The following PKN2 variants were observed in gnomAD, a reference collection of about 807,000 sequenced individuals.
PKN2 encodes the protein serine/threonine-protein kinase N2.
A neutral mutation model predicts 119.1 loss-of-function variants in PKN2; 38 were observed. The ratio of observed to expected loss-of-function variants is 0.32; its 90% CI spans 0.25 to 0.42. The LOEUF is 0.42. Ranked by LOEUF, PKN2 falls within the 10% of genes least tolerant of loss-of-function variation. PKN2 has a pLI of 1.00. For missense variants in PKN2, 850 were observed against 1,165.1 expected, an observed-to-expected ratio of 0.73 and a Z score of 3.94; for synonymous variants, 390 against 384.9, an observed-to-expected ratio of 1.01 and a Z score of -0.15.
chr1:88,692,752 C>G (rs1311501009), intron 1 of PKN2, among the ~76,000 whole-genome samples: 1 of 152,130 alleles, frequency 6.6e-6, no homozygotes, highest in African/African-American at 2.4e-5. Context: ...TGTTAATCCT[C>G]TGTGTACATT....
chr1:88,804,250 C>A (rs1263153274), intron 8 of PKN2, 141 bp from the exon 9 acceptor site: 4 of 631,782 alleles, frequency 6.3e-6, no homozygotes, highest in Non-Finnish European at 1.1e-5. Context: ...ATGTTACAAA[C>A]CTCTTTAAAA....
intron 8 of PKN2, among the ~76,000 whole-genome samples, chr1:88,792,288 A>G (rs2100844269): frequency 6.6e-6 from 1 of 152,288 alleles, no homozygotes; most frequent in Non-Finnish European, 1.5e-5. Context: ...CCTGTAACCC[A>G]GCTACTCGGG....
At chr1:88,763,013 T>C (rs1433658587) in intron 3 of PKN2, among the ~76,000 whole-genome samples, 3 of 152,154 alleles carry the variant, frequency 2.0e-5, no homozygotes, top group African/African-American at 7.2e-5. Context: ...TCAACTCTAG[T>C]AGTCATTTTC....
At chr1:88,762,815 TAAA>T (rs778434348) in intron 3 of PKN2, among the ~76,000 whole-genome samples, 9 of 152,240 alleles carry the variant, frequency 5.9e-5, no homozygotes, top group Non-Finnish European at 1.2e-4. Context: ...TGGCATTTAA[TAAA>T]AAATTACTTT....
intron 15 of PKN2, 98 bp downstream of exon 15, chr1:88,807,873 AAT>A (rs1671614396): frequency 1.5e-6 from 1 of 683,034 alleles, no homozygotes; most frequent in African/African-American, 1.8e-5. Flanking sequence ...ATTTTACAGT[AAT>A]ATGTGAAGAA....
intron 16 of PKN2, among the ~76,000 whole-genome samples, chr1:88,816,148 AAAG>A (rs934665377): frequency 3.3e-5 from 5 of 151,754 alleles, no homozygotes; most frequent in African/African-American, 9.7e-5. Flanking sequence ...AAATTAAAAA[AAAG>A]AGAGAAATCA....
intron 1 of PKN2, among the ~76,000 whole-genome samples, chr1:88,731,333 T>G (rs959730236): frequency 1.3e-5 from 2 of 152,182 alleles, no homozygotes; most frequent in Non-Finnish European, 2.9e-5. Context: ...AGGATGAAAT[T>G]AGAGAAGAAG....
At chr1:88,709,175 T>A (rs1667123168) in intron 1 of PKN2, among the ~76,000 whole-genome samples, 1 of 151,976 alleles carries the variant, frequency 6.6e-6, no homozygotes, top group African/African-American at 2.4e-5. Context: ...TGCCTCAGCC[T>A]CCCGAGTAGC....
At chr1:88,733,299 C>G (rs371159471) in intron 1 of PKN2, among the ~76,000 whole-genome samples, 12 of 152,150 alleles carry the variant, frequency 7.9e-5, no homozygotes, top group African/African-American at 2.9e-4. Context: ...TACATTCCCA[C>G]CAGCAGTGTA....
chr1:88,790,192 ACT>A (rs1670760475), intron 8 of PKN2, among the ~76,000 whole-genome samples: 1 of 151,982 alleles, frequency 6.6e-6, no homozygotes, highest in African/African-American at 2.4e-5. Flanking sequence ...CATCTTGAGA[ACT>A]CTCTTCTACA....
intron 3 of PKN2, among the ~76,000 whole-genome samples, chr1:88,764,790 T>C (rs1169756115): frequency 6.6e-6 from 1 of 152,208 alleles, no homozygotes; most frequent in Non-Finnish European, 1.5e-5. Flanking sequence ...GCCATTTCTT[T>C]ATTTGGTAGT....
At chr1:88,772,194 C>T (rs1039107202) in intron 6 of PKN2, among the ~76,000 whole-genome samples, 1 of 152,150 alleles carries the variant, frequency 6.6e-6, no homozygotes, top group Admixed American at 6.5e-5. Context: ...TTGTCTGTCT[C>T]TACAGATTTG....
At chr1:88,732,461 A>G (rs764766793) in intron 1 of PKN2, among the ~76,000 whole-genome samples, 11 of 152,188 alleles carry the variant, frequency 7.2e-5, no homozygotes, top group Admixed American at 4.6e-4. Context: ...AAGGGCACAA[A>G]TAAGGGAAAC....
intron 2 of PKN2, among the ~76,000 whole-genome samples, chr1:88,743,779 C>G (rs1361906086): frequency 6.6e-6 from 1 of 152,048 alleles, no homozygotes; most frequent in African/African-American, 2.4e-5. Context: ...GAATTAGTAT[C>G]AAAGCCTAAT....
chr1:88,832,946 C>T, intron 20 of PKN2, 95 bp downstream of exon 20: 1 of 1,205,286 alleles, frequency 8.3e-7, no homozygotes, highest in South Asian at 1.5e-5. Flanking sequence ...AGCTGTTTTT[C>T]AGTTCATAAA....
intron 8 of PKN2, among the ~76,000 whole-genome samples, chr1:88,787,110 G>C (rs188138674): frequency 1.3e-5 from 2 of 151,956 alleles, no homozygotes; most frequent in Admixed American, 1.3e-4. Context: ...AGTAGTATAT[G>C]TAAAATACCT....
intron 8 of PKN2, among the ~76,000 whole-genome samples, chr1:88,798,283 T>C (rs905379594): frequency 2.0e-5 from 3 of 151,586 alleles, no homozygotes; most frequent in Non-Finnish European, 2.9e-5. Context: ...AAAGTTTGTG[T>C]TTAAATATTT....
intron 7 of PKN2, among the ~76,000 whole-genome samples, chr1:88,785,165 G>T (rs772331830): frequency 2.0e-5 from 3 of 152,122 alleles, no homozygotes; most frequent in Non-Finnish European, 2.9e-5. Flanking sequence ...TTTTGAGACA[G>T]TGTTTTGCTC....
chr1:88,716,099 G>A (rs952059649), intron 1 of PKN2, among the ~76,000 whole-genome samples: 31 of 152,152 alleles, frequency 2.0e-4, no homozygotes, highest in Non-Finnish European at 4.6e-4. Flanking sequence ...GTAGTTGTGT[G>A]GTTTTGAGTG....
Sources: allele counts gnomAD v4.1 joint callset (sites outside exome capture counted in the v4.1 genomes callset), GRCh38; gene constraint gnomAD v4.1.1; transcripts MANE v1.5; gene names NCBI Gene and HGNC (gene_info 2026-07-23, HGNC 2026-07-21).